Variants in MAPKAP1 observed in about 807,000 individuals in gnomAD.
The protein encoded by MAPKAP1 is MAPK associated protein 1.
In MAPKAP1, 20 loss-of-function variants were observed where a neutral mutation model predicts 65.7. That is an observed-to-expected ratio of 0.30 (90% confidence interval 0.21 to 0.44). The LOEUF is 0.44. Ranked by LOEUF, MAPKAP1 falls within the 20% of genes least tolerant of loss-of-function variation. The pLI is 1.00. For missense variants in MAPKAP1, 423 were observed against 648.0 expected, an observed-to-expected ratio of 0.65 and a Z score of 3.77; for synonymous variants, 222 against 244.3, an observed-to-expected ratio of 0.91 and a Z score of 0.85.
At chr9:125,453,248 T>C (rs898761280) in intron 10 of MAPKAP1, among the ~76,000 whole-genome samples, 10 of 152,188 alleles carry the variant, frequency 6.6e-5, no homozygotes, top group Admixed American at 6.5e-5. Context: ...GTAGAGACAA[T>C]AGAGATGGAG....
intron 7 of MAPKAP1, among the ~76,000 whole-genome samples, chr9:125,527,738 C>G (rs1342683134): frequency 2.0e-5 from 3 of 152,170 alleles, no homozygotes; most frequent in Non-Finnish European, 4.4e-5. Context: ...ACGTGACTAT[C>G]AATGTTTAAA....
At chr9:125,576,876 C>T (rs1473526363) in intron 5 of MAPKAP1, among the ~76,000 whole-genome samples, 1 of 151,948 alleles carries the variant, frequency 6.6e-6, no homozygotes, top group African/African-American at 2.4e-5. Flanking sequence ...TTACAACCTC[C>T]ACCTCCCAGC....
intron 7 of MAPKAP1, among the ~76,000 whole-genome samples, chr9:125,532,559 T>G (rs753051322): frequency 6.6e-6 from 1 of 152,242 alleles, no homozygotes; most frequent in East Asian, 1.9e-4. Flanking sequence ...CTCAGCAAAT[T>G]AGTCATCCCC....
intron 1 of MAPKAP1, among the ~76,000 whole-genome samples, chr9:125,703,550 T>C (rs141624720): frequency 0.02 from 2,981 of 152,212 alleles, 160 homozygotes; most frequent in East Asian, 0.15. Flanking sequence ...GGCAGGCAGA[T>C]CACTTGAGGT....
intron 10 of MAPKAP1, among the ~76,000 whole-genome samples, chr9:125,461,893 G>A (rs1400167205): frequency 1.3e-5 from 2 of 152,174 alleles, no homozygotes; most frequent in African/African-American, 2.4e-5. Context: ...ATAACTGCAG[G>A]TGCCTCACCT....
intron 6 of MAPKAP1, among the ~76,000 whole-genome samples, chr9:125,557,499 C>T (rs1830770383): frequency 6.6e-6 from 1 of 152,114 alleles, no homozygotes; most frequent in African/African-American, 2.4e-5. Flanking sequence ...TAAATTAGGA[C>T]ATCTTTCAGA....
chr9:125,576,404 T>C (rs1216575487), intron 5 of MAPKAP1, among the ~76,000 whole-genome samples: 5 of 152,262 alleles, frequency 3.3e-5, no homozygotes, highest in Non-Finnish European at 7.3e-5. Context: ...CTGTATTTTC[T>C]GTGCAAATTT....
intron 7 of MAPKAP1, among the ~76,000 whole-genome samples, chr9:125,527,882 AT>A (rs1239188837): frequency 6.6e-6 from 1 of 152,172 alleles, no homozygotes; most frequent in African/African-American, 2.4e-5. Context: ...TTACATTTTC[AT>A]TTGATGATGT....
At chr9:125,649,602 G>C (rs565663577) in intron 4 of MAPKAP1, among the ~76,000 whole-genome samples, 1 of 151,622 alleles carries the variant, frequency 6.6e-6, no homozygotes, top group South Asian at 2.1e-4. Flanking sequence ...GCTGACAAGC[G>C]AGAACAAAAA....
chr9:125,546,116 AG>A (rs1830414925), intron 6 of MAPKAP1, among the ~76,000 whole-genome samples: 1 of 152,166 alleles, frequency 6.6e-6, no homozygotes, highest in South Asian at 2.1e-4. Flanking sequence ...TGCTGAAGCC[AG>A]GGTAGCAAGG....
chr9:125,585,687 T>C lies in MAPKAP1; in HGVS notation c.539A>G (p.Tyr180Cys), dbSNP rs1589313845. 2.5e-6 allele frequency: 4 copies of C among 1,613,972 alleles called. No homozygotes were observed. The highest frequency in any genetic ancestry group is 1.7e-5 in the Admixed American group (1 of 60,010). Residue 180 changes from tyrosine (Y) to cysteine (C), a missense_variant, in exon 5 of 12, where the codon TAC becomes TGC. Coordinates refer to ENST00000265960, the MANE Select transcript of MAPKAP1 (RefSeq NM_001006617.3). ...GTCCTGGCTCGAGTGCAGAGGGAGG[T>C]AGACATCGATCTTCTTGGTTGCTGT... ...GTTATKKIDVYLPLHSSQDRL... is the reference protein window; with the variant it reads ...GTTATKKIDVCLPLHSSQDRL...
chr9:125,702,914 T>C (rs537129172), intron 1 of MAPKAP1, among the ~76,000 whole-genome samples: 25 of 151,526 alleles, frequency 1.6e-4, no homozygotes, highest in South Asian at 1.0e-3. Flanking sequence ...GTCCTAGCTA[T>C]TGGGGAGGCA....
chr9:125,528,847 CAAAAAAAAAAAA>C lies in MAPKAP1; in HGVS notation c.958+14200_958+14211del, dbSNP rs61378848. On this transcript the variant is annotated intron_variant, in intron 7 of 11. Transcript: ENST00000265960. ...GGGTGATAAGAGTGAGACTCCGTCTCAAAAAAAAAAAAAAAAAAAAAAAAAAGGAAGGACTAG... is the reference window on the plus strand; with the variant it reads ...GGGTGATAAGAGTGAGACTCCGTCTCAAAAAAAAAAAAAAGGAAGGACTAG... 5.0e-4 allele frequency among the ~76,000 whole-genome samples: 22 copies of C among 44,126 alleles called. No homozygotes were observed. The South Asian group carries it at 7.8e-3, about 16-fold the overall frequency. The allele number at this position is 44,126 out of a possible 152,430, so 28.9% of individuals were successfully genotyped here.
intron 4 of MAPKAP1, among the ~76,000 whole-genome samples, chr9:125,632,213 C>T (rs953674142): frequency 9.4e-6 from 1 of 106,564 alleles, no homozygotes; most frequent in African/African-American, 3.7e-5. Flanking sequence ...CAGAGCAAGA[C>T]TCCGTCTCAA....
At chr9:125,544,171 T>C (rs769358034) in intron 6 of MAPKAP1, among the ~76,000 whole-genome samples, 1 of 152,092 alleles carries the variant, frequency 6.6e-6, no homozygotes, top group Non-Finnish European at 1.5e-5. Flanking sequence ...CCACCGTGCC[T>C]GGCTAATTTT....
intron 3 of MAPKAP1, 129 bp from the exon 4 acceptor site, chr9:125,657,928 A>C (rs1564605083): frequency 6.1e-6 from 5 of 818,728 alleles, no homozygotes; most frequent in Non-Finnish European, 9.7e-6. Flanking sequence ...GGATACATGC[A>C]GAAAGCCCCA....
intron 10 of MAPKAP1, among the ~76,000 whole-genome samples, chr9:125,459,166 C>T (rs1853346604): frequency 6.7e-6 from 1 of 150,346 alleles, no homozygotes; most frequent in Admixed American, 6.6e-5. Context: ...GCGCTCCTCA[C>T]ATCCCAGACG....
intron 5 of MAPKAP1, among the ~76,000 whole-genome samples, chr9:125,570,326 C>A (rs907158550): frequency 6.6e-6 from 1 of 152,018 alleles, no homozygotes; most frequent in African/African-American, 2.4e-5. Context: ...GAAAAGTTGT[C>A]CAATTCAAAG....
chr9:125,554,346 T>C lies in MAPKAP1; in HGVS notation c.848+5287A>G, dbSNP rs114869162. Among the ~76,000 whole-genome samples, 1,129 of 152,072 alleles carry C rather than the reference T, an allele frequency of 7.4e-3. 19 individuals are homozygous for C. Among genetic ancestry groups the C allele is most frequent in the African/African-American group, 0.025 (1,052 of 41,480 alleles). ...AGACCAAGCAACAGATAAAGTAGAG[T>C]GACCAATCTGGTTTACCTAGGATGG... On this transcript the variant is annotated intron_variant, in intron 6 of 11. Coordinates refer to ENST00000265960, the MANE Select transcript of MAPKAP1 (RefSeq NM_001006617.3).
Sources: gnomAD v4.1 joint callset for allele counts (sites outside exome capture counted in the v4.1 genomes callset) on GRCh38, gnomAD v4.1.1 for gene constraint, MANE v1.5 for transcripts, NCBI Gene and HGNC (gene_info 2026-07-23, HGNC 2026-07-21) for gene names.